The following RAB11FIP4 variants were observed in gnomAD, a reference collection of about 807,000 sequenced individuals.
RAB11FIP4 encodes the protein rab11 family-interacting protein 4.
Under a neutral mutation model 74.3 loss-of-function variants are expected in RAB11FIP4, and 23 were observed. That is an observed-to-expected ratio of 0.31 (90% CI 0.22 to 0.44). The LOEUF (loss-of-function observed/expected upper bound fraction) is 0.44. RAB11FIP4 is among the 20% of genes least tolerant of loss of function. The probability of loss-of-function intolerance (pLI) is 1.00; values close to 1 mark genes in which losing one functional copy is unlikely to be tolerated. For synonymous variants in RAB11FIP4, 360 were observed against 359.9 expected (o/e 1.00, Z 0.00); for missense variants, 630 against 863.9 (o/e 0.73, Z 3.39).
At position 31,532,771 on chromosome 17, in the gene RAB11FIP4, T is replaced by C. The variant is rs1024958875; in HGVS notation, c.*1039T>C. On this transcript the variant is annotated 3_prime_UTR_variant, in exon 15 of 15. Transcript: ENST00000621161. ...TCCACTCGTGTGGCAGCAAGACTGC[T>C]TCGTTCCAGCGTTTAGAAACACACC... 18 of 152,294 alleles carry C rather than the reference T, an allele frequency of 1.2e-4. No individual in the cohort carries two copies. Among genetic ancestry groups the C allele is most frequent in the Admixed American group, 8.5e-4 (13 of 15,298 alleles). 9.4% of individuals were successfully genotyped at this position (152,294 alleles called of 1,614,324 possible).
intron 3 of RAB11FIP4, among the ~76,000 whole-genome samples, chr17:31,451,951 G>A (rs983974790): frequency 8.6e-5 from 13 of 151,976 alleles, no homozygotes; most frequent in Admixed American, 3.3e-4. Flanking sequence ...GTGATATTTC[G>A]ATAACTGCAT....
chr17:31,427,443 C>A (rs1031278012), intron 1 of RAB11FIP4, among the ~76,000 whole-genome samples: 31 of 152,172 alleles, frequency 2.0e-4, no homozygotes, highest in Non-Finnish European at 8.8e-5. Context: ...CATCAAACAA[C>A]CCCACCCCCA....
At chr17:31,426,010 G>T (rs2071245916) in intron 1 of RAB11FIP4, among the ~76,000 whole-genome samples, 1 of 152,246 alleles carries the variant, frequency 6.6e-6, no homozygotes, top group African/African-American at 2.4e-5. Context: ...TCAGTGGAAT[G>T]TGTCTGGCCG....
At chr17:31,492,439 A>C (rs1439340001) in intron 3 of RAB11FIP4, among the ~76,000 whole-genome samples, 1 of 151,824 alleles carries the variant, frequency 6.6e-6, no homozygotes, top group Non-Finnish European at 1.5e-5. Flanking sequence ...GTGCCCTCTG[A>C]GTTTTTGGTG....
intron 8 of RAB11FIP4, 58 bp downstream of exon 8, chr17:31,523,669 G>T: frequency 6.6e-7 from 1 of 1,506,002 alleles, no homozygotes; most frequent in Non-Finnish European, 9.2e-7. Context: ...AGGGGAGATG[G>T]GGTGCACTCA....
In RAB11FIP4 at chr17:31,512,707, A is replaced by G. The variant is rs1442124988; in HGVS notation, c.337-4944A>G. 6.6e-6 allele frequency among the ~76,000 whole-genome samples: 1 copy of G among 152,054 alleles called. No homozygotes were observed. Among genetic ancestry groups the G allele is most frequent in the African/African-American group, 2.4e-5 (1 of 41,388 alleles). Reference sequence around the variant, plus strand: ...CCCGGTGCTGCCTCCTGAGGATACCACACTGTCCCTTCCCCAAAGGCCCCC... The same window carrying G: ...CCCGGTGCTGCCTCCTGAGGATACCGCACTGTCCCTTCCCCAAAGGCCCCC... On this transcript the variant is annotated intron_variant, in intron 3 of 14. Coordinates refer to ENST00000621161, the MANE Select transcript of RAB11FIP4 (RefSeq NM_032932.6). This position sits in a 1 kb window ranked among gnomAD's most constrained non-coding sequence, Gnocchi z 4.1.
chr17:31,396,934 G>T (rs1307505833), intron 1 of RAB11FIP4, among the ~76,000 whole-genome samples: 1 of 152,162 alleles, frequency 6.6e-6, no homozygotes, highest in African/African-American at 2.4e-5. Context: ...GAGTCCTCAG[G>T]TCCCCTCTGA....
At chr17:31,503,530 G>C (rs1194766651) in intron 3 of RAB11FIP4, among the ~76,000 whole-genome samples, 2 of 149,816 alleles carry the variant, frequency 1.3e-5, no homozygotes, top group African/African-American at 5.1e-5. Context: ...AGGGGAGGCA[G>C]TTCTGCTTTC....
intron 3 of RAB11FIP4, among the ~76,000 whole-genome samples, chr17:31,499,366 C>CT (rs943185151): frequency 1.7e-4 from 25 of 151,256 alleles, no homozygotes; most frequent in Non-Finnish European, 2.7e-4. Flanking sequence ...TTTCTTTCTT[C>CT]TTTTTTTTTA....
At chr17:31,497,840 ATCT>A (rs1236034543) in intron 3 of RAB11FIP4, among the ~76,000 whole-genome samples, 1 of 152,002 alleles carries the variant, frequency 6.6e-6, no homozygotes, top group Non-Finnish European at 1.5e-5. Context: ...TTCCTTGGAG[ATCT>A]TCTCTCTGCC....
At chr17:31,497,079 T>G (rs1278658796) in intron 3 of RAB11FIP4, among the ~76,000 whole-genome samples, 1 of 152,186 alleles carries the variant, frequency 6.6e-6, no homozygotes, top group African/African-American at 2.4e-5. Flanking sequence ...AAGACCCCTT[T>G]GTGGACAGGC....
At chr17:31,410,227 A>G (rs768703907) in intron 1 of RAB11FIP4, among the ~76,000 whole-genome samples, 1 of 151,928 alleles carries the variant, frequency 6.6e-6, no homozygotes, top group Non-Finnish European at 1.5e-5. Context: ...CGCTGGTTAT[A>G]GATTATTTGG....
chr17:31,477,472 G>A lies in RAB11FIP4; in HGVS notation c.337-40179G>A, dbSNP rs950710084. Among the ~76,000 whole-genome samples the A allele has an allele frequency of 4.6e-5, 7 of 152,204 alleles. No homozygotes were observed. The South Asian group carries it at 8.3e-4, about 18-fold the overall frequency. ...TGAGAAGCCACGGCTGGGAGGGTGC[G>A]AAGCTGACAGCAGAGCCCCAGGTCC... On this transcript the variant is annotated intron_variant, in intron 3 of 14. Transcript: ENST00000621161.
intron 1 of RAB11FIP4, 72 bp downstream of exon 1, chr17:31,392,083 C>T: frequency 8.9e-7 from 1 of 1,123,200 alleles, no homozygotes; most frequent in Non-Finnish European, 1.1e-6. Flanking sequence ...CCAGCTCCCC[C>T]GCCGGGTCAC....
At chr17:31,436,067 G>A (rs1189204355) in intron 3 of RAB11FIP4, among the ~76,000 whole-genome samples, 3 of 152,176 alleles carry the variant, frequency 2.0e-5, no homozygotes, top group South Asian at 2.1e-4. Flanking sequence ...TTGCTGGGGG[G>A]GCCCTTCCTG....
chr17:31,485,032 G>A (rs1015166995), intron 3 of RAB11FIP4, among the ~76,000 whole-genome samples: 1 of 152,228 alleles, frequency 6.6e-6, no homozygotes, highest in Non-Finnish European at 1.5e-5. Flanking sequence ...GCTCACTCAT[G>A]CTGCTGGTAG....
chr17:31,443,658 C>T (rs1386948929), intron 3 of RAB11FIP4, among the ~76,000 whole-genome samples: 1 of 152,202 alleles, frequency 6.6e-6, no homozygotes, highest in Non-Finnish European at 1.5e-5. Flanking sequence ...GCCTGGAATC[C>T]CAGCACTTTG....
intron 3 of RAB11FIP4, among the ~76,000 whole-genome samples, chr17:31,442,244 C>T (rs1460674358): frequency 2.0e-5 from 3 of 152,178 alleles, no homozygotes; most frequent in Non-Finnish European, 4.4e-5. Context: ...CGTGATCCAC[C>T]TGCCTCGGCC....
chr17:31,518,934 G>A (rs959826222), intron 4 of RAB11FIP4, among the ~76,000 whole-genome samples: 1 of 151,236 alleles, frequency 6.6e-6, no homozygotes, highest in Non-Finnish European at 1.5e-5. Flanking sequence ...CCGGGTTCAA[G>A]CGATTCTCCT....
Sources: allele counts gnomAD v4.1 joint callset (sites outside exome capture counted in the v4.1 genomes callset), GRCh38; gene constraint gnomAD v4.1.1; non-coding constraint Gnocchi (gnomAD v3.1); transcripts MANE v1.5; gene names NCBI Gene and HGNC (gene_info 2026-07-23, HGNC 2026-07-21).